Variants in ROBO1 observed in about 807,000 individuals in gnomAD.
ROBO1 encodes roundabout homolog 1.
A neutral mutation model predicts 195.9 loss-of-function variants in ROBO1; 149 were observed. The ratio of observed to expected loss-of-function variants is 0.76; its 90% CI spans 0.67 to 0.87. The LOEUF (loss-of-function observed/expected upper bound fraction) is 0.87. ROBO1 is among the 40% of genes least tolerant of loss of function. The pLI is 0.00. For synonymous variants in ROBO1, 816 were observed against 733.2 expected, an observed-to-expected ratio of 1.11 and a Z score of -1.82; for missense variants, 1,933 against 2,068.3, an observed-to-expected ratio of 0.93 and a Z score of 1.27.
chr3:79,383,471 T>C (rs542967391), intron 2 of ROBO1, among the ~76,000 whole-genome samples: 189 of 152,172 alleles, frequency 1.2e-3, no homozygotes, highest in African/African-American at 3.9e-3. Flanking sequence ...AAAATGGACC[T>C]GGAGGTGCAA....
At chr3:79,711,139 T>C (rs191481117) in intron 1 of ROBO1, among the ~76,000 whole-genome samples, 106 of 152,266 alleles carry the variant, frequency 7.0e-4, no homozygotes, top group Middle Eastern at 6.8e-3. Context: ...ATGAATCTAC[T>C]TGTGAGTCCT....
chr3:79,301,134 C>T (rs1334210083), intron 2 of ROBO1, among the ~76,000 whole-genome samples: 1 of 152,098 alleles, frequency 6.6e-6, no homozygotes, highest in Non-Finnish European at 1.5e-5. Context: ...TTTGGGTCCA[C>T]GCTGCTTTTA....
Position 78,973,459 on chromosome 3 carries a change from T to C in ROBO1, c.173-34532A>G, listed in dbSNP as rs1576494741. On this transcript the variant is annotated intron_variant, in intron 3 of 30. Transcript: ENST00000464233. ...TATAGAAGCTATACAAGAAGCTATA[T>C]ATATAAGAAGCTATATATATATTAT... Among the ~76,000 whole-genome samples the C allele has an allele frequency of 6.1e-5, 9 of 146,574 alleles. No individual in the cohort carries two copies. The South Asian group carries it at 1.7e-3, about 27-fold the overall frequency.
chr3:78,818,074 T>C lies in ROBO1; in HGVS notation c.500-71174A>G, dbSNP rs186958623. Reference sequence around the variant, plus strand: ...TTGCAGCCAGAAAGAGGTGACTGAGTAAAAGATGGAATTCAACTGCATCAG... The same window carrying C: ...TTGCAGCCAGAAAGAGGTGACTGAGCAAAAGATGGAATTCAACTGCATCAG... On this transcript the variant is annotated intron_variant, in intron 4 of 30. Coordinates refer to ENST00000464233, the MANE Select transcript of ROBO1 (RefSeq NM_002941.4). Among the ~76,000 whole-genome samples, 4 of 152,184 alleles carry C rather than the reference T, an allele frequency of 2.6e-5. No homozygotes were observed. In the East Asian group the frequency reaches 7.7e-4, roughly 29 times the overall value.
At chr3:78,935,116 G>T (rs1254766674) in intron 4 of ROBO1, among the ~76,000 whole-genome samples, 3 of 151,964 alleles carry the variant, frequency 2.0e-5, no homozygotes, top group Non-Finnish European at 4.4e-5. Flanking sequence ...CCTTCAAAAT[G>T]CATACATTTT....
intron 4 of ROBO1, among the ~76,000 whole-genome samples, chr3:78,875,470 G>A (rs1361082919): frequency 6.6e-6 from 1 of 151,894 alleles, no homozygotes. Flanking sequence ...TAGATAAAAT[G>A]TAAATTGAAA....
chr3:79,500,124 T>TTG lies in ROBO1; in HGVS notation c.88+89699_88+89700insCA. 1.4e-4 allele frequency among the ~76,000 whole-genome samples: 3 copies of TTG among 21,208 alleles called. No individual in the cohort carries two copies. In the African/African-American group the frequency reaches 2.3e-3, roughly 16 times the overall value. 13.9% of individuals were successfully genotyped at this position (21,208 alleles called of 152,430 possible). On this transcript the variant is annotated intron_variant, in intron 2 of 30. Transcript: ENST00000464233. ...CATGCGGCAGTAAGTTTTCTCTTTTTTTTTTTTTTTTTTTTTTTTTTTTTG... is the reference window on the plus strand; with the variant it reads ...CATGCGGCAGTAAGTTTTCTCTTTTTTGTTTTTTTTTTTTTTTTTTTTTTTTG...
Position 78,639,827 on chromosome 3 carries a change from T to C in ROBO1, c.2954A>G (p.Asn985Ser), listed in dbSNP as rs1227570392. The C allele has an allele frequency of 6.2e-6, 10 of 1,613,366 alleles. No individual in the cohort carries two copies. Among genetic ancestry groups the C allele is most frequent in the Admixed American group, 5.0e-5 (3 of 59,986 alleles). ...GCTGATGGAGCAGTCATTGTGGTTG[T>C]TGCCAGTATTAGGCCACGTGTCTGC... is the stretch of plus-strand genomic sequence containing the variant. ...WLADTWPNTG[N>S]NHNDCSISCC... Residue 985 changes from asparagine (N) to serine (S), a missense_variant, in exon 22 of 31, where the codon AAC becomes AGC. Around this residue, in one of 3 missense-constraint regions of ROBO1, gnomAD observed 1,737 missense variants for 1,882.5 expected, o/e 0.92. Coordinates refer to ENST00000464233, the MANE Select transcript of ROBO1 (RefSeq NM_002941.4).
At chr3:78,911,835 C>A (rs1388971880) in intron 4 of ROBO1, among the ~76,000 whole-genome samples, 1 of 151,994 alleles carries the variant, frequency 6.6e-6, no homozygotes, top group Non-Finnish European at 1.5e-5. Flanking sequence ...TATTCTATAA[C>A]GCAAAGCAGG....
At chr3:79,663,885 GTTCAT>G (rs1322437927) in intron 1 of ROBO1, among the ~76,000 whole-genome samples, 1 of 151,912 alleles carries the variant, frequency 6.6e-6, no homozygotes, top group Non-Finnish European at 1.5e-5. Context: ...ACTCTTCTCA[GTTCAT>G]TTCAAGGTTA....
At chr3:79,618,144 C>G (rs909628683) in intron 1 of ROBO1, among the ~76,000 whole-genome samples, 2 of 151,836 alleles carry the variant, frequency 1.3e-5, no homozygotes, top group African/African-American at 4.8e-5. Flanking sequence ...AAAATACGAA[C>G]CTATGAGATA....
At chr3:79,577,772 C>T (rs976085606) in intron 2 of ROBO1, among the ~76,000 whole-genome samples, 1 of 149,748 alleles carries the variant, frequency 6.7e-6, no homozygotes, top group Non-Finnish European at 1.5e-5. Context: ...AATTGCTGGG[C>T]ATGGTGGCGG....
chr3:79,052,091 C>T (rs548921074), intron 3 of ROBO1, among the ~76,000 whole-genome samples: 3 of 152,098 alleles, frequency 2.0e-5, no homozygotes, highest in Non-Finnish European at 2.9e-5. Context: ...CTTGTGGGGC[C>T]GGGCAGAACA....
rs139994438 is a variant in ROBO1, at chr3:78,882,224, T to C, written c.499+56377A>G. Among the ~76,000 whole-genome samples, 310 of 152,292 alleles carry C rather than the reference T, an allele frequency of 2.0e-3. 1 individual carries two copies. The highest frequency in any genetic ancestry group is 7.3e-3 in the African/African-American group (302 of 41,562). On this transcript the variant is annotated intron_variant, in intron 4 of 30. Transcript: ENST00000464233. The stretch of plus-strand genomic sequence containing the variant: ...AACAAGAATGGCCAATAGAGTCTAG[T>C]ATGAATGCTAAATTTTCTGTTCAAT...
intron 1 of ROBO1, among the ~76,000 whole-genome samples, chr3:79,612,464 A>C (rs1276874491): frequency 6.6e-6 from 1 of 151,904 alleles, no homozygotes; most frequent in Non-Finnish European, 1.5e-5. Context: ...AGTCTTTGCT[A>C]TTGTGACTAA....
At chr3:78,906,205 A>T (rs2037902364) in intron 4 of ROBO1, among the ~76,000 whole-genome samples, 1 of 152,098 alleles carries the variant, frequency 6.6e-6, no homozygotes, top group Non-Finnish European at 1.5e-5. Context: ...ACAGCTTCTA[A>T]TTCACACGGA....
At chr3:79,625,423 G>GAAAAAAAAAAAAAAA in intron 1 of ROBO1, among the ~76,000 whole-genome samples, 6 of 13,884 alleles carry the variant, frequency 4.3e-4, no homozygotes, top group East Asian at 3.2e-3. Flanking sequence ...TGTTTTTTTT[G>GAAAAAAAAAAAAAAA]AAAAAAAAAA....
intron 2 of ROBO1, among the ~76,000 whole-genome samples, chr3:79,229,596 G>A (rs1054195280): frequency 2.6e-5 from 4 of 151,970 alleles, no homozygotes; most frequent in Admixed American, 1.3e-4. Flanking sequence ...ACAGTGCCCA[G>A]CTGATGTTTT....
chr3:79,356,981 C>A (rs1031468763), intron 2 of ROBO1, among the ~76,000 whole-genome samples: 1 of 152,062 alleles, frequency 6.6e-6, no homozygotes, highest in Non-Finnish European at 1.5e-5. Context: ...GAACTGATTT[C>A]TTTTGTTGTA....
Sources: gnomAD v4.1 joint callset for allele counts (sites outside exome capture counted in the v4.1 genomes callset) on GRCh38, gnomAD v4.1.1 for gene constraint, gnomAD v4.1.1 regional missense constraint, MANE v1.5 for transcripts, NCBI Gene and HGNC (gene_info 2026-07-23, HGNC 2026-07-21) for gene names.